SLC35F1: variants seen among roughly 807,000 people sequenced by gnomAD.
SLC35F1 encodes the protein solute carrier family 35 member F1.
In SLC35F1, 14 loss-of-function variants were observed where a neutral mutation model predicts 48.7. The observed-to-expected ratio is 0.29, with a 90% CI of 0.19 to 0.45. The LOEUF (loss-of-function observed/expected upper bound fraction) is 0.45. Ranked by LOEUF, SLC35F1 falls within the 20% of genes least tolerant of loss-of-function variation. SLC35F1 has a pLI of 1.00. For missense variants in SLC35F1, 404 were observed against 500.0 expected (o/e 0.81, Z 1.83); for synonymous variants, 190 against 202.2 (o/e 0.94, Z 0.51).
chr6:118,159,440 A>C (rs1161778979), intron 2 of SLC35F1, among the ~76,000 whole-genome samples: 3 of 152,156 alleles, frequency 2.0e-5, no homozygotes, highest in African/African-American at 7.2e-5. Context: ...CCACTGAAAT[A>C]AAGCCTGAAA....
chr6:118,179,015 A>C (rs960208306), intron 2 of SLC35F1, among the ~76,000 whole-genome samples: 7 of 152,110 alleles, frequency 4.6e-5, no homozygotes, highest in Non-Finnish European at 1.0e-4. Context: ...ATATAGTTTA[A>C]ATTAATGTTT....
At chr6:118,012,701 T>C (rs1300068274) in intron 1 of SLC35F1, among the ~76,000 whole-genome samples, 1 of 152,196 alleles carries the variant, frequency 6.6e-6, no homozygotes, top group African/African-American at 2.4e-5. Flanking sequence ...CTATGTGCCA[T>C]TTTATAGATG....
At chr6:118,230,078 T>A (rs989798748) in intron 2 of SLC35F1, among the ~76,000 whole-genome samples, 4 of 152,140 alleles carry the variant, frequency 2.6e-5, no homozygotes, top group East Asian at 1.9e-4. Flanking sequence ...ATGGTGGCTC[T>A]TGCCTGTAAT....
chr6:118,133,647 GT>G (rs1773749509), intron 1 of SLC35F1, among the ~76,000 whole-genome samples: 1 of 152,194 alleles, frequency 6.6e-6, no homozygotes, highest in Non-Finnish European at 1.5e-5. Context: ...AGTAGAAATA[GT>G]TTTGAATTTT....
chr6:118,090,562 G>A (rs1466903556), intron 1 of SLC35F1, among the ~76,000 whole-genome samples: 2 of 152,142 alleles, frequency 1.3e-5, no homozygotes, highest in Non-Finnish European at 1.5e-5. Context: ...TTCTGTCTAT[G>A]TAAAGGCTCT....
chr6:118,241,104 A>C (rs984918252), intron 3 of SLC35F1, among the ~76,000 whole-genome samples: 1 of 152,360 alleles, frequency 6.6e-6, no homozygotes, highest in East Asian at 1.9e-4. Flanking sequence ...AAGCTGGGCC[A>C]TATTGTAGAA....
chr6:118,105,225 T>G (rs749885965), intron 1 of SLC35F1, among the ~76,000 whole-genome samples: 8 of 152,116 alleles, frequency 5.3e-5, no homozygotes, highest in Non-Finnish European at 8.8e-5. Context: ...TACTTCCCAT[T>G]CCTGCTCATT....
intron 1 of SLC35F1, among the ~76,000 whole-genome samples, chr6:118,138,307 CAA>C (rs56094377): frequency 5.1e-4 from 65 of 127,946 alleles, no homozygotes; most frequent in Middle Eastern, 3.9e-3. Context: ...ACTCCCACCT[CAA>C]AAAAAAAAAA....
chr6:118,108,841 T>C (rs1773358970), intron 1 of SLC35F1, among the ~76,000 whole-genome samples: 1 of 152,166 alleles, frequency 6.6e-6, no homozygotes, highest in South Asian at 2.1e-4. Context: ...ATTTTATGGG[T>C]ATGTTATTTT....
Position 118,117,527 on chromosome 6 carries a change from C to T in SLC35F1, c.174-36918C>T, listed in dbSNP as rs1773491051. Among the ~76,000 whole-genome samples the T allele has an allele frequency of 4.6e-5, 7 of 152,130 alleles. No individual in the cohort carries two copies. The South Asian group carries it at 1.5e-3, about 32-fold the overall frequency. ...GTCAATAATTTGGAGCCAAGTTTAT[C>T]ACTCTATAATAAATAGAGTAAGTTG... On this transcript the variant is annotated intron_variant, in intron 1 of 7. Coordinates refer to ENST00000360388, the MANE Select transcript of SLC35F1 (RefSeq NM_001029858.4).
chr6:118,218,132 A>G (rs1775099685), intron 2 of SLC35F1, among the ~76,000 whole-genome samples: 1 of 152,152 alleles, frequency 6.6e-6, no homozygotes, highest in African/African-American at 2.4e-5. Context: ...AAGAAATGAG[A>G]GGCCTCTCAG....
rs1043344184 is a variant in SLC35F1, at chr6:118,315,054, T to A, written c.*802T>A. The A allele has an allele frequency of 2.0e-5, 3 of 152,606 alleles. No individual in the cohort carries two copies. The highest frequency in any genetic ancestry group is 2.9e-5 in the Non-Finnish European group (2 of 68,032). The allele number at this position is 152,606 out of a possible 1,614,324, so 9.5% of individuals were successfully genotyped here. A position where few individuals can be genotyped will look rare whatever the true frequency, so the allele number is the denominator to read the frequency against. The stretch of plus-strand genomic sequence containing the variant: ...GCCCCCAGAAATAATATCATTTGTG[T>A]TTAGGACAATATATAATTATAAAAT... On this transcript the variant is annotated 3_prime_UTR_variant, in exon 8 of 8. Coordinates refer to ENST00000360388, the MANE Select transcript of SLC35F1 (RefSeq NM_001029858.4).
chr6:118,031,065 A>G lies in SLC35F1; in HGVS notation c.173+123166A>G, dbSNP rs1463935650. Among the ~76,000 whole-genome samples, 5 of 152,252 alleles carry G rather than the reference A, an allele frequency of 3.3e-5. No homozygotes were observed. The East Asian group carries it at 9.7e-4, about 29-fold the overall frequency. Reference sequence around the variant, plus strand: ...CCACACAGGCACAGCCTCCCTCACTATCAACATCTCACACTAGAATGATAC... The same window carrying G: ...CCACACAGGCACAGCCTCCCTCACTGTCAACATCTCACACTAGAATGATAC... On this transcript the variant is annotated intron_variant, in intron 1 of 7. Transcript: ENST00000360388.
chr6:117,986,657 C>T (rs1395962651), intron 1 of SLC35F1, among the ~76,000 whole-genome samples: 1 of 152,126 alleles, frequency 6.6e-6, no homozygotes, highest in African/African-American at 2.4e-5. Flanking sequence ...GTGTCACATG[C>T]CTGATTTTCC....
At chr6:118,030,329 C>T (rs770890110) in intron 1 of SLC35F1, among the ~76,000 whole-genome samples, 2 of 152,264 alleles carry the variant, frequency 1.3e-5, no homozygotes, top group East Asian at 1.9e-4. Flanking sequence ...TGTATAGAGT[C>T]GGTTTCTGCT....
intron 5 of SLC35F1, 26 bp downstream of exon 5, chr6:118,275,641 G>C: frequency 6.2e-7 from 1 of 1,607,722 alleles, no homozygotes; most frequent in Non-Finnish European, 8.5e-7. Context: ...AAGAAATATA[G>C]ATAGTAGAGG....
chr6:118,190,204 A>G (rs1774713478), intron 2 of SLC35F1, among the ~76,000 whole-genome samples: 3 of 152,220 alleles, frequency 2.0e-5, no homozygotes, highest in South Asian at 4.1e-4. Context: ...ACTGGGAAAC[A>G]GTAGAACAGT....
chr6:118,233,630 T>C (rs1775325282), intron 2 of SLC35F1, among the ~76,000 whole-genome samples: 1 of 152,134 alleles, frequency 6.6e-6, no homozygotes, highest in South Asian at 2.1e-4. Flanking sequence ...GATAAGTATA[T>C]GAGTAAGACA....
At chr6:117,998,152 C>T (rs1777028755) in intron 1 of SLC35F1, among the ~76,000 whole-genome samples, 1 of 149,402 alleles carries the variant, frequency 6.7e-6, no homozygotes, top group Non-Finnish European at 1.5e-5. Flanking sequence ...AGACTTTAAA[C>T]CAACAAAGAT....
Sources: allele counts gnomAD v4.1 joint callset (sites outside exome capture counted in the v4.1 genomes callset), GRCh38; gene constraint gnomAD v4.1.1; transcripts MANE v1.5; gene names NCBI Gene and HGNC (gene_info 2026-07-23, HGNC 2026-07-21).